Variants in ST6GALNAC3 observed in about 807,000 individuals in gnomAD.
ST6GALNAC3 encodes the protein alpha-N-acetylgalactosaminide alpha-2,6-sialyltransferase 3.
In ST6GALNAC3, 25 loss-of-function variants were observed where a neutral mutation model predicts 32.7. That is an observed-to-expected ratio of 0.76 (90% confidence interval 0.56 to 1.07). The LOEUF is 1.07. Ranked by LOEUF, ST6GALNAC3 falls within the 50% of genes least tolerant of loss-of-function variation. The pLI is 0.00. For synonymous variants in ST6GALNAC3, 129 were observed against 133.1 expected, an observed-to-expected ratio of 0.97 and a Z score of 0.21; for missense variants, 355 against 382.4, an observed-to-expected ratio of 0.93 and a Z score of 0.60.
intron 1 of ST6GALNAC3, among the ~76,000 whole-genome samples, chr1:76,301,274 T>C (rs1218249030): frequency 1.3e-5 from 2 of 151,990 alleles, no homozygotes; most frequent in African/African-American, 2.4e-5. Flanking sequence ...ATCATTAGTT[T>C]GGATTTGGAC....
chr1:76,398,769 T>TATACATTC (rs1653180865), intron 2 of ST6GALNAC3, among the ~76,000 whole-genome samples: 1 of 152,306 alleles, frequency 6.6e-6, no homozygotes, highest in East Asian at 1.9e-4. Context: ...ATAGAGCATA[T>TATACATTC]ATACATTCAG....
intron 2 of ST6GALNAC3, among the ~76,000 whole-genome samples, chr1:76,411,694 A>C (rs1055083171): frequency 6.6e-6 from 1 of 152,160 alleles, no homozygotes; most frequent in Non-Finnish European, 1.5e-5. Flanking sequence ...ACCTGAAATT[A>C]CAGTTCTGAA....
In ST6GALNAC3 at chr1:76,522,755, G is replaced by A. The variant is rs572872985; in HGVS notation, c.624-104697G>A. ...ATGAAAGACATTTCATGTGAAATTC[G>A]GAAGGTGGAATTAAAGCGGTGATCA... is the stretch of plus-strand genomic sequence containing the variant. On this transcript the variant is annotated intron_variant, in intron 3 of 4. Coordinates refer to ENST00000328299, the MANE Select transcript of ST6GALNAC3 (RefSeq NM_152996.4). 2.6e-5 allele frequency among the ~76,000 whole-genome samples: 4 copies of A among 152,194 alleles called. No individual in the cohort carries two copies. The South Asian group carries it at 6.2e-4, about 24-fold the overall frequency.
intron 1 of ST6GALNAC3, among the ~76,000 whole-genome samples, chr1:76,224,262 C>A (rs1655944493): frequency 6.6e-6 from 1 of 152,120 alleles, no homozygotes; most frequent in Non-Finnish European, 1.5e-5. Flanking sequence ...GCTCTTTTAT[C>A]TTTTCTCCTC....
At chr1:76,459,305 C>G (rs1408014325) in intron 3 of ST6GALNAC3, among the ~76,000 whole-genome samples, 3 of 152,168 alleles carry the variant, frequency 2.0e-5, no homozygotes, top group Non-Finnish European at 4.4e-5. Context: ...TGTCTCACGC[C>G]TGTAATCCCA....
At chr1:76,515,732 GTT>G (rs1226262124) in intron 3 of ST6GALNAC3, among the ~76,000 whole-genome samples, 2 of 151,970 alleles carry the variant, frequency 1.3e-5, no homozygotes, top group Non-Finnish European at 2.9e-5. Flanking sequence ...AGTTTTTCTC[GTT>G]GTTGATTTCT....
chr1:76,380,007 A>G (rs534543738), intron 2 of ST6GALNAC3, among the ~76,000 whole-genome samples: 1 of 152,320 alleles, frequency 6.6e-6, no homozygotes, highest in East Asian at 1.9e-4. Flanking sequence ...AATCTGAATC[A>G]TGGAAGAAGC....
intron 3 of ST6GALNAC3, among the ~76,000 whole-genome samples, chr1:76,544,238 A>G (rs1019316567): frequency 2.0e-5 from 3 of 152,156 alleles, no homozygotes; most frequent in Admixed American, 6.6e-5. Flanking sequence ...CACTGAACAA[A>G]TCTCAGACTA....
intron 1 of ST6GALNAC3, among the ~76,000 whole-genome samples, chr1:76,237,583 G>C (rs1656729326): frequency 6.6e-6 from 1 of 152,112 alleles, no homozygotes; most frequent in African/African-American, 2.4e-5. Context: ...GGATGTCATA[G>C]TCTAAAAATT....
At chr1:76,268,492 C>T (rs1230450302) in intron 1 of ST6GALNAC3, among the ~76,000 whole-genome samples, 2 of 152,180 alleles carry the variant, frequency 1.3e-5, no homozygotes, top group African/African-American at 4.8e-5. Context: ...CAGCCTTTCC[C>T]TCCAGCCCCC....
chr1:76,308,123 T>C (rs558590276), intron 1 of ST6GALNAC3, among the ~76,000 whole-genome samples: 12 of 152,278 alleles, frequency 7.9e-5, no homozygotes, highest in African/African-American at 1.7e-4. Context: ...TCAGAACTTA[T>C]ATGGATAAGT....
rs182651609 is a variant in ST6GALNAC3, at chr1:76,600,113, C to T, written c.624-27339C>T. On this transcript the variant is annotated intron_variant, in intron 3 of 4. Coordinates refer to ENST00000328299, the MANE Select transcript of ST6GALNAC3 (RefSeq NM_152996.4). ...AATTAGGATTGGAAGAGTTCATGAG[C>T]GTGGGGTCCTCACGATTGGGATTAG... Among the ~76,000 whole-genome samples, 69 of 152,032 alleles carry T rather than the reference C, an allele frequency of 4.5e-4. No individual in the cohort carries two copies. The Middle Eastern group carries it at 0.01, about 22-fold the overall frequency.
chr1:76,142,048 G>A (rs1650359904), intron 1 of ST6GALNAC3, among the ~76,000 whole-genome samples: 1 of 152,184 alleles, frequency 6.6e-6, no homozygotes, highest in Non-Finnish European at 1.5e-5. Context: ...CTTTAGAGAG[G>A]AGGGAAGAGA....
At chr1:76,595,956 G>A (rs1174691857) in intron 3 of ST6GALNAC3, among the ~76,000 whole-genome samples, 2 of 150,208 alleles carry the variant, frequency 1.3e-5, no homozygotes, top group African/African-American at 4.9e-5. Context: ...TTGCTTTTGA[G>A]TAGCAGTGAC....
At chr1:76,523,603 T>C (rs1157367393) in intron 3 of ST6GALNAC3, among the ~76,000 whole-genome samples, 1 of 152,168 alleles carries the variant, frequency 6.6e-6, no homozygotes, top group Non-Finnish European at 1.5e-5. Context: ...CCTTTGTCTG[T>C]AGTCTGGAGA....
intron 2 of ST6GALNAC3, among the ~76,000 whole-genome samples, chr1:76,374,257 AAAG>A (rs1388960015): frequency 4.6e-5 from 7 of 152,206 alleles, no homozygotes; most frequent in African/African-American, 1.2e-4. Context: ...GGTGTATTAA[AAAG>A]AAGAACGAAA....
intron 3 of ST6GALNAC3, among the ~76,000 whole-genome samples, chr1:76,489,436 C>G (rs1004249031): frequency 1.3e-5 from 2 of 152,032 alleles, no homozygotes; most frequent in Non-Finnish European, 2.9e-5. Context: ...AGAGTTCTCT[C>G]TCTCTCTCTC....
chr1:76,625,125 C>T (rs1648887200), intron 3 of ST6GALNAC3, among the ~76,000 whole-genome samples: 1 of 151,974 alleles, frequency 6.6e-6, no homozygotes, highest in South Asian at 2.1e-4. Context: ...GATATCCTCA[C>T]TCCAATTCTA....
chr1:76,111,545 G>A (rs1447408898), intron 1 of ST6GALNAC3, among the ~76,000 whole-genome samples: 1 of 150,758 alleles, frequency 6.6e-6, no homozygotes, highest in African/African-American at 2.4e-5. Flanking sequence ...ATAAACAAGT[G>A]AACAAAGGTC....
Sources: gnomAD v4.1 joint callset for allele counts (sites outside exome capture counted in the v4.1 genomes callset) on GRCh38, gnomAD v4.1.1 for gene constraint, MANE v1.5 for transcripts, NCBI Gene and HGNC (gene_info 2026-07-23, HGNC 2026-07-21) for gene names.